Variants in CWH43 observed in about 807,000 individuals in gnomAD.
CWH43 encodes cell wall biogenesis 43 C-terminal homolog, also known as PGAP2-interacting protein.
In CWH43, 91 loss-of-function variants were observed where a neutral mutation model predicts 85.7. The observed-to-expected ratio is 1.06, with a 90% confidence interval of 0.90 to 1.26. The LOEUF is 1.26. Among genes scored for constraint, CWH43 ranks in the 50% most tolerant of loss-of-function variants. The probability of loss-of-function intolerance (pLI) is 0.00; values close to 1 mark genes in which losing one functional copy is unlikely to be tolerated. For missense variants in CWH43, 869 were observed against 839.2 expected, an observed-to-expected ratio of 1.04 and a Z score of -0.44; for synonymous variants, 323 against 293.6, an observed-to-expected ratio of 1.10 and a Z score of -1.02.
rs187049299 is a variant in CWH43 at position 48,989,535 on chromosome 4, C to T, written c.235+867C>T. ...TGACATTTCACTAGGATGTTGCCAT[C>T]GCACAACACAGTCAGAGCAGTGAGT... is the stretch of plus-strand genomic sequence containing the variant. On this transcript the variant is annotated intron_variant, in intron 2 of 15. Coordinates refer to ENST00000226432, the MANE Select transcript of CWH43 (RefSeq NM_025087.3). 2.4e-3 allele frequency among the ~76,000 whole-genome samples: 365 copies of T among 152,328 alleles called. 1 individual carries two copies. The highest frequency in any genetic ancestry group is 8.0e-3 in the African/African-American group (334 of 41,576).
chr4:49,002,820 A>G (rs1018031727), intron 6 of CWH43, among the ~76,000 whole-genome samples: 2 of 152,126 alleles, frequency 1.3e-5, no homozygotes, highest in Non-Finnish European at 2.9e-5. Context: ...TGATGAACTT[A>G]TTGAGCTATG....
rs1207481551 is a variant in CWH43 at position 49,061,957 on chromosome 4, G to A, written c.*67G>A. The A allele has an allele frequency of 8.6e-7, 1 of 1,165,702 alleles. No homozygotes were observed. Among genetic ancestry groups the A allele is most frequent in the African/African-American group, 1.6e-5 (1 of 63,988 alleles). The allele number at this position is 1,165,702 out of a possible 1,614,324, so 72.2% of individuals were successfully genotyped here. On this transcript the variant is annotated 3_prime_UTR_variant, in exon 16 of 16. Transcript: ENST00000226432. ...AAAAAAGTATGTAAGATAAAAAGAA[G>A]AGATTAATGAAAGTGGGAAAATACA...
intron 13 of CWH43, among the ~76,000 whole-genome samples, chr4:49,038,436 A>T (rs533200619): frequency 6.6e-6 from 1 of 152,214 alleles, no homozygotes; most frequent in South Asian, 2.1e-4. Flanking sequence ...TCAACCAAGG[A>T]CTGGAGGATC....
chr4:49,003,505 T>C (rs568637730), intron 6 of CWH43: 15 of 482,614 alleles, frequency 3.1e-5, no homozygotes, highest in African/African-American at 2.5e-4. Context: ...TCTGAGGAAA[T>C]AGCAGTGAAC....
At chr4:49,026,677 G>T (rs376264184) in intron 9 of CWH43, among the ~76,000 whole-genome samples, 1 of 152,092 alleles carries the variant, frequency 6.6e-6, no homozygotes, top group African/African-American at 2.4e-5. Flanking sequence ...TAGAATAACG[G>T]CATTCAGACC....
At chr4:49,037,083 T>C (rs1168659949) in intron 12 of CWH43, among the ~76,000 whole-genome samples, 5 of 152,226 alleles carry the variant, frequency 3.3e-5, no homozygotes, top group Admixed American at 3.3e-4. Context: ...AAGTTCACTT[T>C]GTTTGAAACA....
intron 15 of CWH43, among the ~76,000 whole-genome samples, chr4:49,056,418 G>T (rs1784965714): frequency 6.6e-6 from 1 of 151,924 alleles, no homozygotes; most frequent in Admixed American, 6.6e-5. Context: ...CTATGAACTG[G>T]TCCATTTCTT....
intron 13 of CWH43, 48 bp from the exon 14 acceptor site, chr4:49,044,738 A>C: frequency 6.7e-7 from 1 of 1,500,314 alleles, no homozygotes; most frequent in Non-Finnish European, 9.2e-7. Context: ...TGTGGAATAG[A>C]GCTTTGCTTT....
At chr4:49,027,237 T>C (rs1173090187) in intron 9 of CWH43, among the ~76,000 whole-genome samples, 1 of 152,166 alleles carries the variant, frequency 6.6e-6, no homozygotes, top group Non-Finnish European at 1.5e-5. Context: ...TTAGAATATA[T>C]TTTGAAAGTA....
At chr4:49,047,750 C>T (rs1784672494) in intron 14 of CWH43, among the ~76,000 whole-genome samples, 2 of 152,084 alleles carry the variant, frequency 1.3e-5, no homozygotes, top group African/African-American at 4.8e-5. Context: ...GAGAACAGAT[C>T]TTGTAAGGAT....
At chr4:49,011,922 A>G (rs530553484) in intron 8 of CWH43, among the ~76,000 whole-genome samples, 21 of 152,080 alleles carry the variant, frequency 1.4e-4, no homozygotes, top group African/African-American at 4.6e-4. Flanking sequence ...CCTTTATTTC[A>G]ACCTTGGTGA....
chr4:49,028,260 G>A (rs549475501), intron 9 of CWH43, among the ~76,000 whole-genome samples: 4 of 151,760 alleles, frequency 2.6e-5, no homozygotes, highest in African/African-American at 9.7e-5. Context: ...GACCTATGTA[G>A]CCCTAATTCA....
intron 4 of CWH43, 55 bp from the exon 5 acceptor site, chr4:48,994,564 A>T: frequency 7.0e-7 from 1 of 1,426,568 alleles, no homozygotes; most frequent in South Asian, 1.2e-5. Flanking sequence ...CTAAATATAG[A>T]GCGCAAATTT....
chr4:49,022,106 G>C (rs1783767311), intron 9 of CWH43, among the ~76,000 whole-genome samples: 1 of 152,132 alleles, frequency 6.6e-6, no homozygotes, highest in Non-Finnish European at 1.5e-5. Context: ...AATGGTGAAA[G>C]TGGGCATCCT....
At chr4:49,000,051 CTAAG>C (rs1253842638) in intron 6 of CWH43, among the ~76,000 whole-genome samples, 4 of 151,278 alleles carry the variant, frequency 2.6e-5, no homozygotes, top group Non-Finnish European at 5.9e-5. Flanking sequence ...TTTTCTGACT[CTAAG>C]TAAAAAAAAA....
intron 13 of CWH43, among the ~76,000 whole-genome samples, chr4:49,044,518 C>T (rs371788730): frequency 4.6e-5 from 7 of 152,142 alleles, no homozygotes; most frequent in Non-Finnish European, 7.3e-5. Context: ...ATTTTGTAAT[C>T]GTTGATTTAT....
intron 15 of CWH43, among the ~76,000 whole-genome samples, chr4:49,051,453 G>T (rs1049080104): frequency 3.9e-5 from 6 of 152,182 alleles, no homozygotes; most frequent in African/African-American, 1.4e-4. Flanking sequence ...GGACCTCCTG[G>T]GGTGGTATCT....
At chr4:49,017,531 C>G (rs1464138896) in intron 9 of CWH43, among the ~76,000 whole-genome samples, 1 of 152,178 alleles carries the variant, frequency 6.6e-6, no homozygotes, top group Admixed American at 6.6e-5. Context: ...GGCCCATACA[C>G]TAGAGGCAAA....
Position 49,032,599 on chromosome 4 carries a change from A to T in CWH43, c.1542A>T (p.Lys514Asn), listed in dbSNP as rs1784131314. Residue 514 changes from lysine (K) to asparagine (N), a missense_variant, in exon 12 of 16, where the codon AAA becomes AAT. Lys to Asn is a moderately conservative substitution (Grantham distance 94). Transcript: ENST00000226432. ...CTTTGTCAAGATACCCAATTGTGAA[A>T]TCTGAGCATCACCTTCTTCCGTCAC... ...IMALSRYPIV[K>N]SEHHLLPSPE... The T allele has an allele frequency of 6.2e-7, 1 of 1,614,052 alleles. No homozygotes were observed.
Sources: gnomAD v4.1 joint callset for allele counts (sites outside exome capture counted in the v4.1 genomes callset) on GRCh38, gnomAD v4.1.1 for gene constraint, MANE v1.5 for transcripts, NCBI Gene and HGNC (gene_info 2026-07-23, HGNC 2026-07-21) for gene names.